The following CBLN2 variants were observed in gnomAD, a reference collection of about 807,000 sequenced individuals.
CBLN2 encodes cerebellin 2 precursor.
Under a neutral mutation model 15.0 loss-of-function variants are expected in CBLN2, and 7 were observed. The ratio of observed to expected loss-of-function variants is 0.47; its 90% CI spans 0.27 to 0.88. CBLN2 has a LOEUF of 0.88. CBLN2 is among the 40% of genes least tolerant of loss of function. The pLI is 0.14. For synonymous variants in CBLN2, 149 were observed against 135.2 expected (o/e 1.10, Z -0.71); for missense variants, 242 against 304.5 (o/e 0.79, Z 1.53).
In CBLN2 at chr18:72,543,621, C is replaced by G; in HGVS notation, c.-211-91G>C. 1 of 389,604 alleles carries G rather than the reference C, an allele frequency of 2.6e-6. No individual in the cohort carries two copies. The highest frequency in any genetic ancestry group is 4.5e-6 in the Non-Finnish European group (1 of 220,634). The allele number at this position is 389,604 out of a possible 1,614,324, so 24.1% of individuals were successfully genotyped here. A position where few individuals can be genotyped will look rare whatever the true frequency, so the allele number is the denominator to read the frequency against. ...CAGCGCGTGGCCAATAACCGCGCCGCCCCGCCCTGCCGCTTTCCCGCGCCA... is the reference window on the plus strand; with the variant it reads ...CAGCGCGTGGCCAATAACCGCGCCGGCCCGCCCTGCCGCTTTCCCGCGCCA... On this transcript the variant is annotated intron_variant, in intron 1 of 4. Transcript: ENST00000269503. This position sits in a 1 kb window ranked among gnomAD's most constrained non-coding sequence, Gnocchi z 6.8.
At chr18:72,563,667 C>A (rs2144896779) in intron 1 of CBLN2, among the ~76,000 whole-genome samples, 1 of 152,308 alleles carries the variant, frequency 6.6e-6, no homozygotes, top group South Asian at 2.1e-4. Flanking sequence ...ATTCAATAGG[C>A]CATTCACATG....
chr18:72,607,926 G>A (rs1054950183), intron 1 of CBLN2, among the ~76,000 whole-genome samples: 3 of 152,062 alleles, frequency 2.0e-5, no homozygotes, highest in Non-Finnish European at 4.4e-5. Context: ...TACCTTTCTG[G>A]CAGCTGTTTT....
chr18:72,547,394 G>A (rs2069165411), upstream of CBLN2, among the ~76,000 whole-genome samples: 2 of 152,074 alleles, frequency 1.3e-5, no homozygotes, highest in African/African-American at 4.8e-5. Context: ...ATCACTTAGT[G>A]GGTACAATGT....
chr18:72,560,939 G>A (rs912970049), intron 1 of CBLN2, among the ~76,000 whole-genome samples: 3 of 152,146 alleles, frequency 2.0e-5, no homozygotes, highest in African/African-American at 7.2e-5. Flanking sequence ...AACCCAGGAG[G>A]TAGAGATTGC....
intron 3 of CBLN2, chr18:72,539,377 T>G (rs645350): frequency 0.78 from 118,155 of 152,188 alleles, 46,186 homozygotes; most frequent in East Asian, 0.91. Context: ...CACTCTGGAC[T>G]CACACAGTAG....
intron 1 of CBLN2, among the ~76,000 whole-genome samples, chr18:72,562,831 T>C (rs1265963733): frequency 1.3e-5 from 2 of 152,230 alleles, no homozygotes; most frequent in African/African-American, 2.4e-5. Flanking sequence ...TGATTTTATT[T>C]ATCTCTCTGA....
In CBLN2 at chr18:72,585,489, T is replaced by C. The variant is rs574304132; in HGVS notation, c.16-46717A>G. On this transcript the variant is annotated intron_variant, in intron 1 of 2. Coordinates refer to the CBLN2 transcript ENST00000581073. ...GAGGAAACCCAGAGTGGGTAGCTCC[T>C]AGCCACAGGAAGGTCATCCCATCAT... 7.2e-5 allele frequency among the ~76,000 whole-genome samples: 11 copies of C among 152,228 alleles called. No homozygotes were observed. The South Asian group carries it at 1.2e-3, about 17-fold the overall frequency.
intron 1 of CBLN2, among the ~76,000 whole-genome samples, chr18:72,575,155 A>C (rs186687184): frequency 3.2e-4 from 48 of 152,270 alleles, no homozygotes; most frequent in Non-Finnish European, 5.6e-4. Context: ...TGGAGCTGAA[A>C]GTATGGGAAG....
intron 1 of CBLN2, among the ~76,000 whole-genome samples, chr18:72,629,466 A>T (rs1056756603): frequency 3.9e-5 from 6 of 152,180 alleles, no homozygotes; most frequent in Non-Finnish European, 7.3e-5. Context: ...ATTAATTAAA[A>T]AAAATAAAAA....
chr18:72,569,325 AAC>A (rs2144903882), intron 1 of CBLN2, among the ~76,000 whole-genome samples: 1 of 152,346 alleles, frequency 6.6e-6, no homozygotes, highest in Non-Finnish European at 1.5e-5. Context: ...TAAAACAAAA[AAC>A]AATTTAATGA....
Position 72,538,733 on chromosome 18 carries a change from T to C in CBLN2, c.397A>G (p.Ser133Gly), listed in dbSNP as rs1434890992. ...NIGNHFDLAS[S>G]IFVAPRKGIY... ...CCTTTTCTCGGTGCTACAAATATAC[T>C]GGAAGCAAGATCAAAGTGGTTGCCA... The change falls in exon 4 of 5, where the codon AGT (serine) becomes GGT (glycine). Residue 133 changes from serine (S) to glycine (G), a missense_variant. Transcript: ENST00000269503. 10 of 1,613,868 alleles carry C rather than the reference T, an allele frequency of 6.2e-6. No homozygotes were observed. Among genetic ancestry groups the C allele is most frequent in the Non-Finnish European group, 8.5e-6 (10 of 1,180,004 alleles).
intron 1 of CBLN2, among the ~76,000 whole-genome samples, chr18:72,616,450 T>C (rs531456271): frequency 6.6e-6 from 1 of 152,258 alleles, no homozygotes; most frequent in African/African-American, 2.4e-5. Context: ...AGGCTTTTGG[T>C]GTGCTTTGTG....
At chr18:72,618,106 T>C (rs1182101868) in intron 1 of CBLN2, among the ~76,000 whole-genome samples, 1 of 152,226 alleles carries the variant, frequency 6.6e-6, no homozygotes, top group Non-Finnish European at 1.5e-5. Flanking sequence ...AACTAGATTT[T>C]GGTTTTCTCT....
chr18:72,574,875 A>C (rs2069354829), intron 1 of CBLN2, among the ~76,000 whole-genome samples: 2 of 152,234 alleles, frequency 1.3e-5, no homozygotes, highest in South Asian at 4.1e-4. Flanking sequence ...GGGCAAATTC[A>C]GTCATCATGG....
intron 1 of CBLN2, among the ~76,000 whole-genome samples, chr18:72,560,323 C>T (rs557317863): frequency 1.4e-4 from 22 of 152,334 alleles, no homozygotes; most frequent in African/African-American, 4.6e-4. Context: ...TGAGTGATCA[C>T]ATGGCTTCAG....
intron 3 of CBLN2, 115 bp downstream of exon 3, chr18:72,541,689 G>C (rs1010905371): frequency 1.2e-5 from 9 of 721,680 alleles, no homozygotes; most frequent in South Asian, 4.0e-5. Context: ...CAGGGCAGAG[G>C]GGGAGGACAG....
At chr18:72,562,643 C>T (rs551365752) in intron 1 of CBLN2, among the ~76,000 whole-genome samples, 78 of 152,186 alleles carry the variant, frequency 5.1e-4, no homozygotes, top group African/African-American at 1.8e-3. Context: ...ATTTTAAACC[C>T]GGATAACACA....
chr18:72,592,241 C>G (rs2069484438), intron 1 of CBLN2, among the ~76,000 whole-genome samples: 1 of 151,926 alleles, frequency 6.6e-6, no homozygotes, highest in Non-Finnish European at 1.5e-5. Flanking sequence ...TTGCATTTCT[C>G]TGATGATCAG....
chr18:72,542,200 C>A lies in CBLN2; in HGVS notation c.-40G>T, dbSNP rs1451710232. 1 of 1,178,876 alleles carries A rather than the reference C, an allele frequency of 8.5e-7. No homozygotes were observed. Among genetic ancestry groups the A allele is most frequent in the African/African-American group, 1.6e-5 (1 of 61,890 alleles). 73.0% of individuals were successfully genotyped at this position (1,178,876 alleles called of 1,614,324 possible). A position where few individuals can be genotyped will look rare whatever the true frequency, so the allele number is the denominator to read the frequency against. ...GGCGGCGCGCGGGGGTGGAGGCCGG[C>A]GCCGGCGCGAGCGGCGCGGAAGGGC... On this transcript the variant is annotated 5_prime_UTR_variant, in exon 3 of 5. Coordinates refer to ENST00000269503, the MANE Select transcript of CBLN2 (RefSeq NM_182511.4).
Sources: gnomAD v4.1 joint callset for allele counts (sites outside exome capture counted in the v4.1 genomes callset) on GRCh38, gnomAD v4.1.1 for gene constraint, Gnocchi (gnomAD v3.1) non-coding constraint, MANE v1.5 for transcripts, NCBI Gene and HGNC (gene_info 2026-07-23, HGNC 2026-07-21) for gene names.